Variants in CSMD1 observed in about 807,000 individuals in gnomAD.
CSMD1 encodes the protein CUB and Sushi multiple domains 1, also known as CUB and sushi domain-containing protein 1.
A neutral mutation model predicts 417.5 loss-of-function variants in CSMD1; 213 were observed. That is an observed-to-expected ratio of 0.51 (90% CI 0.46 to 0.57). The LOEUF (loss-of-function observed/expected upper bound fraction) is 0.57. CSMD1 is among the 20% of genes least tolerant of loss of function. The pLI, the probability that CSMD1 is intolerant of heterozygous loss-of-function variation, is 0.00. For synonymous variants in CSMD1, 2,862 were observed against 1,736.8 expected, an observed-to-expected ratio of 1.65 and a Z score of -16.11; for missense variants, 6,923 against 4,529.7, an observed-to-expected ratio of 1.53 and a Z score of -15.17.
intron 1 of CSMD1, among the ~76,000 whole-genome samples, chr8:4,905,238 C>A (rs371587442): frequency 6.6e-6 from 1 of 152,072 alleles, no homozygotes; most frequent in Admixed American, 6.6e-5. Context: ...ATCTCTCCTC[C>A]AAGTAACACA....
intron 26 of CSMD1, among the ~76,000 whole-genome samples, chr8:3,242,354 G>C (rs1236831095): frequency 1.3e-5 from 2 of 151,594 alleles, no homozygotes; most frequent in Non-Finnish European, 2.9e-5. Flanking sequence ...GCGACGCTTG[G>C]GGTTGGGACT....
intron 1 of CSMD1, among the ~76,000 whole-genome samples, chr8:4,978,495 G>A (rs184013183): frequency 1.1e-4 from 16 of 152,204 alleles, no homozygotes; most frequent in Admixed American, 4.6e-4. Flanking sequence ...TTCACTAACC[G>A]CTCCTCACCT....
chr8:4,824,840 C>G (rs1048457766), intron 1 of CSMD1, among the ~76,000 whole-genome samples: 1 of 152,072 alleles, frequency 6.6e-6, no homozygotes, highest in South Asian at 2.1e-4. Flanking sequence ...ATTTAAGAAA[C>G]AATCTGTATC....
intron 5 of CSMD1, among the ~76,000 whole-genome samples, chr8:3,767,956 G>A (rs193211613): frequency 2.5e-4 from 38 of 152,142 alleles, no homozygotes; most frequent in East Asian, 7.7e-4. Context: ...AACATTACAC[G>A]TCATGGGATG....
intron 11 of CSMD1, among the ~76,000 whole-genome samples, chr8:3,489,083 A>T (rs1265641687): frequency 6.6e-6 from 1 of 152,168 alleles, no homozygotes; most frequent in Non-Finnish European, 1.5e-5. Flanking sequence ...ACGTCTGTGC[A>T]TAGTGTCTGC....
At chr8:3,796,365 ATATCTAT>A (rs1563089531) in intron 5 of CSMD1, among the ~76,000 whole-genome samples, 7 of 68,052 alleles carry the variant, frequency 1.0e-4, no homozygotes, top group Non-Finnish European at 2.1e-4. Context: ...ATAGATATAG[ATATCTAT>A]CATGTATATA....
intron 4 of CSMD1, among the ~76,000 whole-genome samples, chr8:4,018,358 C>A (rs925612920): frequency 6.6e-6 from 1 of 152,134 alleles, no homozygotes; most frequent in Admixed American, 6.5e-5. Flanking sequence ...ACAAATAATG[C>A]CGAGGAGCTG....
intron 9 of CSMD1, among the ~76,000 whole-genome samples, chr8:3,580,031 G>A (rs1019285218): frequency 2.0e-5 from 3 of 152,134 alleles, no homozygotes; most frequent in Non-Finnish European, 4.4e-5. Flanking sequence ...TTGAGCTAGG[G>A]AGGTGGAAGT....
intron 8 of CSMD1, chr8:3,598,213 G>T (rs957216312): frequency 1.3e-5 from 2 of 152,200 alleles, no homozygotes; most frequent in African/African-American, 4.8e-5. Flanking sequence ...GTCTAGGGAA[G>T]TTAATGCTAA....
intron 1 of CSMD1, chr8:4,787,760 T>C: frequency 6.3e-7 from 1 of 1,585,788 alleles, no homozygotes; most frequent in Non-Finnish European, 8.6e-7. Flanking sequence ...GCTGCAAAAT[T>C]TTGCTTCGCT....
chr8:4,669,019 TC>T, intron 1 of CSMD1, among the ~76,000 whole-genome samples: 1 of 152,222 alleles, frequency 6.6e-6, no homozygotes, highest in East Asian at 1.9e-4. Context: ...CTCACTCATT[TC>T]CTTTGAAATA....
At chr8:3,124,776 C>A (rs1018817903) in intron 41 of CSMD1, among the ~76,000 whole-genome samples, 1 of 152,170 alleles carries the variant, frequency 6.6e-6, no homozygotes, top group African/African-American at 2.4e-5. Context: ...AAACCCAGGA[C>A]CCATTTTTTC....
chr8:4,792,776 G>C (rs1797759420), intron 1 of CSMD1, among the ~76,000 whole-genome samples: 1 of 152,096 alleles, frequency 6.6e-6, no homozygotes, highest in South Asian at 2.1e-4. Context: ...TTGTCACTCA[G>C]TACCATGCGT....
In CSMD1 at chr8:3,838,577, ATATC is replaced by A. The variant is rs1458147417; in HGVS notation, c.819-84539_819-84536del. The stretch of plus-strand genomic sequence containing the variant: ...CTGTAGATATATATAGTCTCTCTAT[ATATC>A]TATAGTCCCTCTCTATATAAATATT... On this transcript the variant is annotated intron_variant, in intron 5 of 69. Coordinates refer to ENST00000635120, the MANE Select transcript of CSMD1 (RefSeq NM_033225.6). 6.3e-5 allele frequency among the ~76,000 whole-genome samples: 9 copies of A among 142,758 alleles called. No individual in the cohort carries two copies. In the East Asian group the frequency reaches 1.2e-3, roughly 19 times the overall value. The allele number at this position is 142,758 out of a possible 152,430, so 93.7% of individuals were successfully genotyped here. A position where few individuals can be genotyped will look rare whatever the true frequency, so the allele number is the denominator to read the frequency against.
chr8:4,134,937 C>A (rs977046238), intron 3 of CSMD1, among the ~76,000 whole-genome samples: 1 of 152,156 alleles, frequency 6.6e-6, no homozygotes, highest in Non-Finnish European at 1.5e-5. Context: ...TCATCTCATT[C>A]CTCAACCAAC....
rs115146974 is a variant in CSMD1 at position 4,927,613 on chromosome 8, C to A, written c.85+66719G>T. ...TAGAGGTTCTTCATGGCATCCTAAA[C>A]TGACGAAAGACAACAGGCAGGGCAT... On this transcript the variant is annotated intron_variant, in intron 1 of 69. Transcript: ENST00000635120. Among the ~76,000 whole-genome samples the A allele has an allele frequency of 8.1e-3, 1,236 of 152,268 alleles. 14 individuals carry two copies. The highest frequency in any genetic ancestry group is 0.028 in the African/African-American group (1,155 of 41,568).
At chr8:3,601,405 T>A (rs1801354674) in intron 8 of CSMD1, among the ~76,000 whole-genome samples, 1 of 152,194 alleles carries the variant, frequency 6.6e-6, no homozygotes, top group South Asian at 2.1e-4. Flanking sequence ...CAGACGATGT[T>A]TATGCTATCA....
chr8:4,436,227 G>A (rs982827759), intron 2 of CSMD1, among the ~76,000 whole-genome samples: 1 of 152,086 alleles, frequency 6.6e-6, no homozygotes, highest in Non-Finnish European at 1.5e-5. Flanking sequence ...TTAACTTATT[G>A]TAGGACAAAA....
In CSMD1 at chr8:3,197,561, G is replaced by A. The variant is rs1388683018; in HGVS notation, c.5194+2153C>T. On this transcript the variant is annotated intron_variant, in intron 33 of 69. Transcript: ENST00000635120. Reference sequence around the variant, plus strand: ...ACTCACTGCAAGCTCCGCCTCCCGGGTTCACGCCATTCTCCTGCCTCAGCC... The same window carrying A: ...ACTCACTGCAAGCTCCGCCTCCCGGATTCACGCCATTCTCCTGCCTCAGCC... 2.7e-5 allele frequency among the ~76,000 whole-genome samples: 4 copies of A among 150,422 alleles called. No individual in the cohort carries two copies. The South Asian group carries it at 6.3e-4, about 24-fold the overall frequency.
Sources: gnomAD v4.1 joint callset for allele counts (sites outside exome capture counted in the v4.1 genomes callset) on GRCh38, gnomAD v4.1.1 for gene constraint, MANE v1.5 for transcripts, NCBI Gene and HGNC (gene_info 2026-07-23, HGNC 2026-07-21) for gene names.